INPP4B: variants seen among roughly 807,000 people sequenced by gnomAD.
The protein encoded by INPP4B is inositol polyphosphate-4-phosphatase type II B, also known as inositol polyphosphate 4-phosphatase type II.
INPP4B carries 55 observed loss-of-function variants against 122.5 expected under a neutral mutation model. That is an observed-to-expected ratio of 0.45 (90% CI 0.36 to 0.56). The LOEUF (loss-of-function observed/expected upper bound fraction) is 0.56. INPP4B is among the 20% of genes least tolerant of loss of function. The probability of loss-of-function intolerance (pLI) is 0.00; values close to 1 mark genes in which losing one functional copy is unlikely to be tolerated. For missense variants in INPP4B, 1,000 were observed against 1,097.7 expected (o/e 0.91, Z 1.26); for synonymous variants, 403 against 388.7 (o/e 1.04, Z -0.43).
intron 10 of INPP4B, among the ~76,000 whole-genome samples, chr4:142,268,348 G>GAAAAAAAAAAAAAAAAAAA (rs1383781390): frequency 7.1e-4 from 19 of 26,770 alleles, no homozygotes; most frequent in Non-Finnish European, 1.5e-3. Context: ...AAAAAAAAAT[G>GAAAAAAAAAAAAAAAAAAA]AGGGGTAAGT....
intron 1 of INPP4B, among the ~76,000 whole-genome samples, chr4:142,843,547 A>C (rs1335909023): frequency 2.0e-5 from 3 of 151,982 alleles, no homozygotes; most frequent in Non-Finnish European, 4.4e-5. Flanking sequence ...AAATCCCCAT[A>C]GTTGTGAAAG....
chr4:142,258,369 A>G (rs946041888), intron 11 of INPP4B, among the ~76,000 whole-genome samples: 1 of 150,912 alleles, frequency 6.6e-6, no homozygotes, highest in African/African-American at 2.4e-5. Flanking sequence ...TAATTAAACT[A>G]AAGAGCTTCT....
chr4:142,032,955 A>C (rs1164613417), intron 25 of INPP4B, among the ~76,000 whole-genome samples: 2 of 151,806 alleles, frequency 1.3e-5, no homozygotes, highest in Non-Finnish European at 2.9e-5. Flanking sequence ...TCCAGAAAAG[A>C]CTCACAGATT....
intron 1 of INPP4B, among the ~76,000 whole-genome samples, chr4:142,738,689 G>T (rs1767429319): frequency 6.6e-6 from 1 of 151,984 alleles, no homozygotes; most frequent in South Asian, 2.1e-4. Context: ...TGTTTGAAAG[G>T]TTCTGTATTC....
At chr4:142,672,054 A>G (rs1452712503) in intron 2 of INPP4B, among the ~76,000 whole-genome samples, 1 of 152,166 alleles carries the variant, frequency 6.6e-6, no homozygotes, top group African/African-American at 2.4e-5. Context: ...GTATGTTGTT[A>G]AATATATCAG....
At chr4:142,758,769 A>G (rs766756123) in intron 1 of INPP4B, among the ~76,000 whole-genome samples, 28 of 152,090 alleles carry the variant, frequency 1.8e-4, no homozygotes, top group Non-Finnish European at 3.8e-4. Flanking sequence ...CATGGCTAAC[A>G]TGGTGAAACC....
At chr4:142,114,429 A>G (rs1791891206) in intron 21 of INPP4B, among the ~76,000 whole-genome samples, 1 of 152,116 alleles carries the variant, frequency 6.6e-6, no homozygotes, top group Admixed American at 6.6e-5. Flanking sequence ...GGTTTTCCAC[A>G]TCCTCACCAA....
intron 16 of INPP4B, among the ~76,000 whole-genome samples, chr4:142,163,332 T>C (rs1439149809): frequency 6.6e-6 from 1 of 151,928 alleles, no homozygotes; most frequent in African/African-American, 2.4e-5. Flanking sequence ...TCGCCCAGTG[T>C]ATCCGTGCTG....
At chr4:142,487,268 G>T (rs905642987) in intron 2 of INPP4B, among the ~76,000 whole-genome samples, 1 of 152,042 alleles carries the variant, frequency 6.6e-6, no homozygotes, top group Non-Finnish European at 1.5e-5. Context: ...TCTTTCTTTT[G>T]TAAATTGCCC....
chr4:142,694,827 A>C (rs1178730212), intron 2 of INPP4B, among the ~76,000 whole-genome samples: 1 of 152,070 alleles, frequency 6.6e-6, no homozygotes, highest in Non-Finnish European at 1.5e-5. Flanking sequence ...TTTTTGAAAA[A>C]TATATTTGCT....
Position 142,753,336 on chromosome 4 carries a change from C to T in INPP4B, c.-253-27435G>A, listed in dbSNP as rs573662766. Among the ~76,000 whole-genome samples the T allele has an allele frequency of 1.4e-4, 22 of 152,166 alleles. No individual in the cohort carries two copies. In the South Asian group the frequency reaches 4.6e-3, roughly 32 times the overall value. ...TGTCTTTCTCATTCTCGTTATCACA[C>T]AATATTTAAATATATCCAATATTAC... On this transcript the variant is annotated intron_variant, in intron 1 of 25. Coordinates refer to ENST00000262992, the MANE Select transcript of INPP4B (RefSeq NM_001101669.3).
chr4:142,307,226 T>G (rs2151216289), intron 8 of INPP4B, among the ~76,000 whole-genome samples: 1 of 152,252 alleles, frequency 6.6e-6, no homozygotes, highest in Middle Eastern at 3.4e-3. Context: ...TCCTCCTGAA[T>G]CAAAGTATTT....
chr4:142,368,119 A>G (rs1788270708), intron 7 of INPP4B, among the ~76,000 whole-genome samples: 1 of 152,178 alleles, frequency 6.6e-6, no homozygotes, highest in Non-Finnish European at 1.5e-5. Flanking sequence ...TACAAATATA[A>G]AATAACTCAT....
intron 2 of INPP4B, among the ~76,000 whole-genome samples, chr4:142,705,157 A>G (rs1762303633): frequency 1.3e-5 from 2 of 151,824 alleles, no homozygotes. Flanking sequence ...TTTATTTCCA[A>G]TCTACACATA....
intron 2 of INPP4B, among the ~76,000 whole-genome samples, chr4:142,594,755 A>C (rs1377107753): frequency 1.3e-5 from 2 of 152,034 alleles, no homozygotes; most frequent in Admixed American, 6.6e-5. Context: ...GGAGATCGAG[A>C]CCATCCTGGC....
At chr4:142,415,927 C>T (rs1024005940) in intron 5 of INPP4B, among the ~76,000 whole-genome samples, 1 of 151,524 alleles carries the variant, frequency 6.6e-6, no homozygotes, top group African/African-American at 2.4e-5. Flanking sequence ...ACCGCATGTT[C>T]TCACTCATAG....
intron 2 of INPP4B, among the ~76,000 whole-genome samples, chr4:142,512,119 A>G (rs1824795949): frequency 6.6e-6 from 1 of 152,220 alleles, no homozygotes; most frequent in Non-Finnish European, 1.5e-5. Flanking sequence ...CAAAAGCAGG[A>G]TAGTAGTATA....
In INPP4B at chr4:142,431,156, C is replaced by T. The variant is rs2149372957; in HGVS notation, c.91+13G>A. ...TTAGATGCAAAAACAGGGAGGGATA[C>T]ACACATACTTACTTGTGAACTGACA... On this transcript the variant is annotated intron_variant, in intron 4 of 25. Coordinates refer to ENST00000262992, the MANE Select transcript of INPP4B (RefSeq NM_001101669.3). The T allele has an allele frequency of 6.2e-7, 1 of 1,601,404 alleles. No individual in the cohort carries two copies. The highest frequency in any genetic ancestry group is 8.6e-7 in the Non-Finnish European group (1 of 1,168,946).
chr4:142,753,845 G>C (rs1770100296), intron 1 of INPP4B, among the ~76,000 whole-genome samples: 1 of 151,956 alleles, frequency 6.6e-6, no homozygotes, highest in South Asian at 2.1e-4. Flanking sequence ...CAAAAAGCTA[G>C]TATACTTATT....
Sources: gnomAD v4.1 joint callset for allele counts (sites outside exome capture counted in the v4.1 genomes callset) on GRCh38, gnomAD v4.1.1 for gene constraint, MANE v1.5 for transcripts, NCBI Gene and HGNC (gene_info 2026-07-23, HGNC 2026-07-21) for gene names.